The following GALNT10 variants were observed in gnomAD, a reference collection of about 807,000 sequenced individuals.
GALNT10 encodes the protein GalNAc transferase 10.
Under a neutral mutation model 75.0 loss-of-function variants are expected in GALNT10, and 41 were observed. That is an observed-to-expected ratio of 0.55 (90% confidence interval 0.43 to 0.71). GALNT10 has a LOEUF of 0.71. Ranked by LOEUF, GALNT10 falls within the 30% of genes least tolerant of loss-of-function variation. The pLI is 0.00. For synonymous variants in GALNT10, 302 were observed against 313.0 expected, an observed-to-expected ratio of 0.96 and a Z score of 0.37; for missense variants, 727 against 818.5, an observed-to-expected ratio of 0.89 and a Z score of 1.36.
At chr5:154,275,881 G>C (rs918914884) in intron 1 of GALNT10, among the ~76,000 whole-genome samples, 16 of 151,730 alleles carry the variant, frequency 1.1e-4, no homozygotes, top group Admixed American at 1.0e-3. Flanking sequence ...ATTCACAAAG[G>C]TTTGCCCAAG....
chr5:154,392,131 G>C (rs574923947), intron 7 of GALNT10: 1 of 152,288 alleles, frequency 6.6e-6, no homozygotes, highest in East Asian at 1.9e-4. Flanking sequence ...CCAGGCTTAC[G>C]GGCCAGCCCC....
intron 4 of GALNT10, among the ~76,000 whole-genome samples, chr5:154,372,698 G>C (rs900627706): frequency 1.3e-5 from 2 of 152,162 alleles, no homozygotes; most frequent in African/African-American, 4.8e-5. Flanking sequence ...TGAGGGGTGA[G>C]GGAGCTCCGG....
intron 1 of GALNT10, among the ~76,000 whole-genome samples, chr5:154,212,364 G>A (rs914847849): frequency 1.3e-5 from 2 of 152,216 alleles, no homozygotes; most frequent in African/African-American, 4.8e-5. Flanking sequence ...ACCATGACAG[G>A]CACTGCGCCA....
intron 1 of GALNT10, among the ~76,000 whole-genome samples, chr5:154,200,154 G>A (rs930971499): frequency 2.0e-5 from 3 of 152,170 alleles, no homozygotes; most frequent in Non-Finnish European, 2.9e-5. Flanking sequence ...AGACCCCCAT[G>A]AGCCTGGTTC....
intron 3 of GALNT10, among the ~76,000 whole-genome samples, chr5:154,318,345 C>T (rs767175089): frequency 3.9e-5 from 6 of 152,218 alleles, no homozygotes; most frequent in Non-Finnish European, 7.3e-5. Context: ...GCCACGATTT[C>T]AAACACCTAC....
chr5:154,312,730 T>C (rs1754539657), intron 3 of GALNT10, among the ~76,000 whole-genome samples: 1 of 152,344 alleles, frequency 6.6e-6, no homozygotes, highest in South Asian at 2.1e-4. Context: ...ATTTCTTCTT[T>C]TCTCCTCTTT....
chr5:154,246,383 C>T (rs1352517293), intron 1 of GALNT10, among the ~76,000 whole-genome samples: 1 of 152,196 alleles, frequency 6.6e-6, no homozygotes, highest in African/African-American at 2.4e-5. Flanking sequence ...GGAATCGCCA[C>T]ACTGTCTTCC....
At chr5:154,243,504 A>C (rs1753371893) in intron 1 of GALNT10, among the ~76,000 whole-genome samples, 1 of 152,168 alleles carries the variant, frequency 6.6e-6, no homozygotes. Context: ...AATAATGCAT[A>C]GTCCAGAATT....
intron 4 of GALNT10, chr5:154,349,676 T>C (rs1338827532): frequency 6.6e-6 from 1 of 152,080 alleles, no homozygotes; most frequent in Admixed American, 6.6e-5. Context: ...ATTGTGCTTA[T>C]GAATAGCCAC....
At position 154,258,223 on chromosome 5, in the gene GALNT10, A is replaced by G. The variant is rs900967236; in HGVS notation, c.160-36593A>G. Reference sequence around the variant, plus strand: ...CCTTTCTCTATGTCCATGAGCCTTTAGAGAAAAGTAGACCCAGAATGTACT... The same window carrying G: ...CCTTTCTCTATGTCCATGAGCCTTTGGAGAAAAGTAGACCCAGAATGTACT... On this transcript the variant is annotated intron_variant, in intron 1 of 11. Transcript: ENST00000297107. 3.9e-5 allele frequency among the ~76,000 whole-genome samples: 6 copies of G among 152,130 alleles called. No individual in the cohort carries two copies. In the East Asian group the frequency reaches 1.2e-3, roughly 29 times the overall value.
intron 1 of GALNT10, among the ~76,000 whole-genome samples, chr5:154,291,991 T>A (rs1038529762): frequency 3.9e-5 from 6 of 152,146 alleles, no homozygotes; most frequent in Admixed American, 3.9e-4. Flanking sequence ...AAGCCAAAAA[T>A]CTTGATAAAA....
At chr5:154,357,598 A>T (rs1755316110) in intron 4 of GALNT10, among the ~76,000 whole-genome samples, 2 of 152,178 alleles carry the variant, frequency 1.3e-5, no homozygotes, top group Admixed American at 6.5e-5. Flanking sequence ...ATAATTTTTT[A>T]AAATCTGATT....
Position 154,415,820 on chromosome 5 carries a change from G to A in GALNT10, c.1541G>A (p.Gly514Glu). Reference protein sequence around the residue: ...TFTWREDIRPGDPQHTKKFCF... With the variant: ...TFTWREDIRPEDPQHTKKFCF... ...ACCTGGAGAGAGGACATCCGGCCTGGAGACCCCCAGCACACCAAGAAGTTC... is the reference window on the plus strand; with the variant it reads ...ACCTGGAGAGAGGACATCCGGCCTGAAGACCCCCAGCACACCAAGAAGTTC... Residue 514 changes from glycine (G) to glutamate (E), a missense_variant, in exon 11 of 12, where the codon GGA (glycine) becomes GAA (glutamate). Physicochemically the swap from Gly to Glu is moderately conservative, Grantham distance 98. Coordinates refer to ENST00000297107, the MANE Select transcript of GALNT10 (RefSeq NM_198321.4). 1.2e-6 allele frequency: 2 copies of A among 1,614,152 alleles called. No homozygotes were observed. The highest frequency in any genetic ancestry group is 1.7e-6 in the Non-Finnish European group (2 of 1,180,010).
At chr5:154,257,039 C>T (rs1753625417) in intron 1 of GALNT10, among the ~76,000 whole-genome samples, 1 of 151,982 alleles carries the variant, frequency 6.6e-6, no homozygotes, top group Admixed American at 6.6e-5. Flanking sequence ...CTTTAGGAGG[C>T]CAAGGTGGGA....
intron 4 of GALNT10, among the ~76,000 whole-genome samples, chr5:154,340,116 G>A (rs1411673282): frequency 6.6e-6 from 1 of 152,196 alleles, no homozygotes; most frequent in African/African-American, 2.4e-5. Flanking sequence ...CAACCTAACA[G>A]TAGCTTCCTT....
intron 1 of GALNT10, among the ~76,000 whole-genome samples, chr5:154,237,708 T>C (rs1450184880): frequency 1.3e-5 from 2 of 152,244 alleles, no homozygotes; most frequent in Non-Finnish European, 2.9e-5. Context: ...TTTTAGAATC[T>C]GTTGGAATTT....
chr5:154,339,184 T>C (rs1261514892), intron 4 of GALNT10, among the ~76,000 whole-genome samples: 2 of 152,168 alleles, frequency 1.3e-5, no homozygotes, highest in Non-Finnish European at 2.9e-5. Flanking sequence ...TCCTCCTCAT[T>C]GGGAATCACA....
At chr5:154,211,041 G>A (rs1405706359) in intron 1 of GALNT10, among the ~76,000 whole-genome samples, 1 of 152,202 alleles carries the variant, frequency 6.6e-6, no homozygotes, top group Non-Finnish European at 1.5e-5. Context: ...AGGATCCTCT[G>A]TACCAGCCTT....
chr5:154,237,100 C>T (rs1302546594), intron 1 of GALNT10, among the ~76,000 whole-genome samples: 1 of 152,166 alleles, frequency 6.6e-6, no homozygotes, highest in Non-Finnish European at 1.5e-5. Flanking sequence ...TTCTTTGTGT[C>T]CCAGGTAGCA....
Sources: gnomAD v4.1 joint callset for allele counts (sites outside exome capture counted in the v4.1 genomes callset) on GRCh38, gnomAD v4.1.1 for gene constraint, MANE v1.5 for transcripts, NCBI Gene and HGNC (gene_info 2026-07-23, HGNC 2026-07-21) for gene names.